HNRNPLL: variants seen among roughly 807,000 people sequenced by gnomAD.
HNRNPLL encodes the protein heterogeneous nuclear ribonucleoprotein L like, also known as heterogeneous nuclear ribonucleoprotein L-like.
Under a neutral mutation model 67.1 loss-of-function variants are expected in HNRNPLL, and 25 were observed. That is an observed-to-expected ratio of 0.37 (90% CI 0.27 to 0.52). The LOEUF is 0.52. Among genes scored for constraint, HNRNPLL ranks in the 20% least tolerant of loss-of-function variants. The probability of loss-of-function intolerance (pLI) is 0.90; values close to 1 mark genes in which losing one functional copy is unlikely to be tolerated. For missense variants in HNRNPLL, 542 were observed against 673.9 expected, an observed-to-expected ratio of 0.80 and a Z score of 2.17; for synonymous variants, 267 against 241.7, an observed-to-expected ratio of 1.10 and a Z score of -0.97.
At chr2:38,584,849 A>G (rs1487916033) in intron 3 of HNRNPLL, among the ~76,000 whole-genome samples, 2 of 152,020 alleles carry the variant, frequency 1.3e-5, no homozygotes, top group South Asian at 4.1e-4. Flanking sequence ...CACCAGAGAT[A>G]TAACAAAAAA....
chr2:38,590,334 C>T (rs935353241), intron 2 of HNRNPLL, among the ~76,000 whole-genome samples: 1 of 152,180 alleles, frequency 6.6e-6, no homozygotes, highest in Non-Finnish European at 1.5e-5. Flanking sequence ...CCTCTCAATA[C>T]TCAAATACTT....
intron 1 of HNRNPLL, among the ~76,000 whole-genome samples, chr2:38,593,308 C>T (rs1367318173): frequency 6.6e-6 from 1 of 152,200 alleles, no homozygotes; most frequent in African/African-American, 2.4e-5. Flanking sequence ...ATCATCATTA[C>T]ATTCTTAAAT....
intron 1 of HNRNPLL, among the ~76,000 whole-genome samples, chr2:38,597,683 CTTTT>C (rs1176585653): frequency 2.7e-5 from 4 of 147,696 alleles, no homozygotes; most frequent in African/African-American, 4.9e-5. Flanking sequence ...AGTCAAGTAA[CTTTT>C]TTTATTTTTT....
chr2:38,575,350 C>T (rs1243705889), intron 7 of HNRNPLL, among the ~76,000 whole-genome samples: 2 of 151,780 alleles, frequency 1.3e-5, no homozygotes, highest in African/African-American at 2.4e-5. Context: ...AAAAATGCTA[C>T]ATAAATGGTA....
chr2:38,602,272 A>G (rs1667472964), intron 1 of HNRNPLL, 166 bp downstream of exon 1: 1 of 618,630 alleles, frequency 1.6e-6, no homozygotes, highest in East Asian at 3.4e-5. Flanking sequence ...GATGCGGGAA[A>G]CAGGTAGAGG....
At chr2:38,564,974 G>T (rs1342256214) in intron 12 of HNRNPLL, among the ~76,000 whole-genome samples, 9 of 148,560 alleles carry the variant, frequency 6.1e-5, no homozygotes, top group Admixed American at 3.4e-4. Context: ...CATCAATGGG[G>T]TACATAAGTT....
chr2:38,591,711 C>T, intron 1 of HNRNPLL, 63 bp from the exon 2 acceptor site: 1 of 1,033,102 alleles, frequency 9.7e-7, no homozygotes, highest in Non-Finnish European at 1.5e-6. Context: ...CGCGGTGGCT[C>T]ACGCCTGTAA....
intron 1 of HNRNPLL, among the ~76,000 whole-genome samples, chr2:38,598,762 T>A (rs1667310411): frequency 1.3e-5 from 2 of 152,158 alleles, no homozygotes; most frequent in African/African-American, 4.8e-5. Flanking sequence ...CTTTTCACCG[T>A]AACATACTAA....
At chr2:38,590,578 T>TAGAAAGA (rs1460063276) in intron 2 of HNRNPLL, among the ~76,000 whole-genome samples, 1 of 152,246 alleles carries the variant, frequency 6.6e-6, no homozygotes, top group Non-Finnish European at 1.5e-5. Flanking sequence ...AAGTGTCTAT[T>TAGAAAGA]TTTGGCAGCA....
At position 38,582,106 on chromosome 2, in the gene HNRNPLL, G is replaced by C. The variant is rs778332780; in HGVS notation, c.695C>G (p.Ala232Gly). Residue 232 changes from alanine to glycine, a missense_variant, in exon 5 of 13, where the codon GCT becomes GGT. Coordinates refer to ENST00000449105, the MANE Select transcript of HNRNPLL (RefSeq NM_138394.4). ...KAALNGADIYAGCCTLKIEYA... is the reference protein window; with the variant it reads ...KAALNGADIYGGCCTLKIEYA... ...TTCAATTTTTAGTGTGCAACATCCA[G>C]CATATATATCAGCTCCATTGAGTGC... 2.5e-6 allele frequency: 4 copies of C among 1,613,736 alleles called. No individual in the cohort carries two copies. The highest frequency in any genetic ancestry group is 3.4e-6 in the Non-Finnish European group (4 of 1,179,668).
At chr2:38,576,166 G>C (rs1463798092) in intron 7 of HNRNPLL, among the ~76,000 whole-genome samples, 1 of 151,794 alleles carries the variant, frequency 6.6e-6, no homozygotes, top group African/African-American at 2.4e-5. Context: ...TACTACAGCA[G>C]AGTTCCTTGT....
At chr2:38,586,832 C>T (rs1666754330) in intron 2 of HNRNPLL, among the ~76,000 whole-genome samples, 2 of 151,794 alleles carry the variant, frequency 1.3e-5, no homozygotes, top group Admixed American at 6.6e-5. Context: ...GAAAGACAAA[C>T]GAAGCAGCCA....
chr2:38,567,999 C>A, intron 12 of HNRNPLL, 200 bp downstream of exon 12: 1 of 472,264 alleles, frequency 2.1e-6, no homozygotes, highest in Non-Finnish European at 3.7e-6. Flanking sequence ...TAAATGTTTG[C>A]TGTTTTAAGA....
intron 1 of HNRNPLL, among the ~76,000 whole-genome samples, chr2:38,593,410 A>C (rs1179059115): frequency 6.6e-6 from 1 of 152,248 alleles, no homozygotes. Context: ...TTTTACTCTC[A>C]AAATAATTAG....
At chr2:38,569,981 A>T in intron 8 of HNRNPLL, 56 bp from the exon 9 acceptor site, 1 of 1,314,154 alleles carries the variant, frequency 7.6e-7, no homozygotes, top group Non-Finnish European at 1.1e-6. Flanking sequence ...ACAGTAAAAG[A>T]AATTTTAAAA....
chr2:38,594,728 T>C (rs1366993278), intron 1 of HNRNPLL, among the ~76,000 whole-genome samples: 1 of 150,972 alleles, frequency 6.6e-6, no homozygotes, highest in African/African-American at 2.4e-5. Context: ...ACAGGCAAAA[T>C]CACCTGAGGT....
At chr2:38,574,475 T>C (rs1383753792) in intron 7 of HNRNPLL, among the ~76,000 whole-genome samples, 1 of 151,932 alleles carries the variant, frequency 6.6e-6, no homozygotes, top group Non-Finnish European at 1.5e-5. Flanking sequence ...CCTTTCTCTA[T>C]TTCTCAAGAA....
chr2:38,566,187 G>A, intron 12 of HNRNPLL: 1 of 466,730 alleles, frequency 2.1e-6, no homozygotes, highest in Non-Finnish European at 2.8e-6. Context: ...GGCCAACGTG[G>A]TGAAACCCCG....
At chr2:38,586,433 G>C (rs1164051223) in intron 2 of HNRNPLL, among the ~76,000 whole-genome samples, 1 of 152,146 alleles carries the variant, frequency 6.6e-6, no homozygotes, top group Non-Finnish European at 1.5e-5. Context: ...TCTGTTATTA[G>C]TTACTAACAA....
Sources: allele counts gnomAD v4.1 joint callset (sites outside exome capture counted in the v4.1 genomes callset), GRCh38; gene constraint gnomAD v4.1.1; transcripts MANE v1.5; gene names NCBI Gene and HGNC (gene_info 2026-07-23, HGNC 2026-07-21).